Variants in RTN4 observed in about 807,000 individuals in gnomAD.
RTN4 encodes reticulon-4.
RTN4 carries 32 observed loss-of-function variants against 90.4 expected under a neutral mutation model. The observed-to-expected ratio is 0.35, with a 90% CI of 0.27 to 0.48. RTN4 has a LOEUF of 0.48. Ranked by LOEUF, RTN4 falls within the 20% of genes least tolerant of loss-of-function variation. The pLI, the probability that RTN4 is intolerant of heterozygous loss-of-function variation, is 0.99. For synonymous variants in RTN4, 629 were observed against 552.5 expected (o/e 1.14, Z -1.94); for missense variants, 1,706 against 1,430.2 (o/e 1.19, Z -3.11).
intron 5 of RTN4, among the ~76,000 whole-genome samples, chr2:54,980,025 G>C (rs1025485199): frequency 6.6e-6 from 1 of 152,062 alleles, no homozygotes; most frequent in South Asian, 2.1e-4. Flanking sequence ...GAAACAACAA[G>C]TGTTCCAGAA....
At position 54,972,338 on chromosome 2, in the gene RTN4, C is replaced by G. The variant is rs1677103569; in HGVS notation, c.*818G>C. ...CATAACAATGTTTGATATTTGCAAA[C>G]AAACAACATTTTTGGAAGCATTAGA... On this transcript the variant is annotated 3_prime_UTR_variant, in exon 9 of 9. Coordinates refer to ENST00000337526, the MANE Select transcript of RTN4 (RefSeq NM_020532.5). 6.6e-6 allele frequency: 1 copy of G among 152,270 alleles called. No individual in the cohort carries two copies. The highest frequency in any genetic ancestry group is 2.4e-5 in the African/African-American group (1 of 41,380). 9.4% of individuals were successfully genotyped at this position (152,270 alleles called of 1,614,324 possible).
At chr2:55,065,918 A>G (rs1668381671) in intron 2 of RTN4, among the ~76,000 whole-genome samples, 1 of 152,222 alleles carries the variant, frequency 6.6e-6, no homozygotes, top group African/African-American at 2.4e-5. Flanking sequence ...ATACACACTC[A>G]TGTAGAAGGT....
At chr2:55,082,627 T>A (rs1312906992) in intron 1 of RTN4, among the ~76,000 whole-genome samples, 1 of 152,228 alleles carries the variant, frequency 6.6e-6, no homozygotes, top group Non-Finnish European at 1.5e-5. Context: ...AAATATGTAT[T>A]ATGCTAAGTT....
rs749703334 is a variant in RTN4, at chr2:55,025,572, C to A, written c.2527G>T (p.Asp843Tyr). The change falls in exon 3 of 9, where the codon GAT becomes TAT. Residue 843 changes from aspartate (D) to tyrosine (Y), a missense_variant. Physicochemically the swap from Asp to Tyr is radical, Grantham distance 160. Transcript: ENST00000337526. ...EELSTAVYSNDDLFISKEAQI... is the reference protein window; with the variant it reads ...EELSTAVYSNYDLFISKEAQI... ...GCTTCCTTAGAAATAAATAAGTCAT[C>A]ATTTGAATAAACTGCAGTACTGAGC... The A allele has an allele frequency of 6.2e-7, 1 of 1,613,534 alleles. No homozygotes were observed. The highest frequency in any genetic ancestry group is 1.3e-5 in the African/African-American group (1 of 74,860).
intron 1 of RTN4, among the ~76,000 whole-genome samples, chr2:55,102,954 A>G (rs1224445292): frequency 6.6e-6 from 1 of 151,874 alleles, no homozygotes; most frequent in Non-Finnish European, 1.5e-5. Flanking sequence ...CCCCGTCTCT[A>G]CTAAAATTAC....
At position 55,087,254 on chromosome 2, in the gene RTN4, T is replaced by G. The variant is rs547064417; in HGVS notation, c.-213-6615A>C. Among the ~76,000 whole-genome samples, 3 of 152,318 alleles carry G rather than the reference T, an allele frequency of 2.0e-5. No homozygotes were observed. In the East Asian group the frequency reaches 5.8e-4, roughly 29 times the overall value. On this transcript the variant is annotated intron_variant, in intron 1 of 3. Coordinates refer to the RTN4 transcript ENST00000427710. ...ACCTTGAAGTGTAATTGCTGGGTCATTCATCTGCATGCATTCATTTTTACT... is the reference window on the plus strand; with the variant it reads ...ACCTTGAAGTGTAATTGCTGGGTCAGTCATCTGCATGCATTCATTTTTACT...
rs770471842 is a variant in RTN4 at position 55,050,208 on chromosome 2, G to T, written c.93C>A (p.Pro31=). The T allele has an allele frequency of 1.3e-6, 2 of 1,567,626 alleles. No individual in the cohort carries two copies. ...PAFKYQFVRE[P]EDEEEEEEEE... ...CCTCCTCTTCTTCCTCCTCGTCCTC[G>T]GGCTCCCTCACGAACTGGTACTTGA... The change falls in exon 1 of 9, where the codon CCC becomes CCA. Residue 31 remains proline, a synonymous_variant. Coordinates refer to ENST00000337526, the MANE Select transcript of RTN4 (RefSeq NM_020532.5). This position sits in a 1 kb window ranked among gnomAD's most constrained non-coding sequence, Gnocchi z 4.6.
chr2:55,062,525 G>A (rs1373943648), intron 2 of RTN4, among the ~76,000 whole-genome samples: 1 of 152,172 alleles, frequency 6.6e-6, no homozygotes, highest in African/African-American at 2.4e-5. Context: ...CCCTGAGAGG[G>A]GGACAAGGGA....
chr2:54,989,320 C>T (rs1201951444), intron 3 of RTN4, among the ~76,000 whole-genome samples: 3 of 152,274 alleles, frequency 2.0e-5, no homozygotes, highest in African/African-American at 4.8e-5. Flanking sequence ...TATATGATTT[C>T]GAAGTTTGTT....
intron 1 of RTN4, among the ~76,000 whole-genome samples, chr2:55,102,201 G>A (rs1292848234): frequency 6.6e-6 from 1 of 152,136 alleles, no homozygotes; most frequent in African/African-American, 2.4e-5. Context: ...GATTAAGGGG[G>A]AAAGGGAAGG....
At chr2:55,019,619 G>C (rs1024758307) in intron 3 of RTN4, among the ~76,000 whole-genome samples, 3 of 152,164 alleles carry the variant, frequency 2.0e-5, no homozygotes, top group Non-Finnish European at 4.4e-5. Context: ...AATCCACTAG[G>C]AGGAATGTTC....
chr2:55,041,432 T>C (rs1433206315), intron 1 of RTN4, among the ~76,000 whole-genome samples: 1 of 151,970 alleles, frequency 6.6e-6, no homozygotes, highest in Non-Finnish European at 1.5e-5. Flanking sequence ...TATACACACA[T>C]AAGATAGCCA....
In RTN4 at chr2:55,050,071, G is replaced by T; in HGVS notation, c.230C>A (p.Pro77His). The change falls in exon 1 of 9, where the codon CCC (proline) becomes CAC (histidine). Residue 77 changes from proline (P) to histidine (H), a missense_variant. By Grantham distance (77) the Pro-to-His change is moderately conservative. Coordinates refer to ENST00000337526, the MANE Select transcript of RTN4 (RefSeq NM_020532.5). The surrounding 1 kb of genome is among the most constrained non-coding windows in gnomAD (Gnocchi z 4.6). ...PVPTAPAAGA[P>H]LMDFGNDFVP... is the part of the protein sequence containing the mutation. ...GAAGTCATTTCCGAAGTCCATCAGG[G>T]GCGCGCCGGCGGCAGGGGCGGTGGG... The T allele has an allele frequency of 6.9e-7, 1 of 1,448,582 alleles. No homozygotes were observed. The highest frequency in any genetic ancestry group is 1.4e-5 in the South Asian group (1 of 72,132). 89.7% of individuals were successfully genotyped at this position (1,448,582 alleles called of 1,614,324 possible).
chr2:55,104,348 T>C (rs572528056), intron 1 of RTN4, among the ~76,000 whole-genome samples: 3 of 151,508 alleles, frequency 2.0e-5, no homozygotes, highest in Non-Finnish European at 4.4e-5. Context: ...TGAGCCACCA[T>C]GCCTGGCTGT....
chr2:55,087,590 T>C (rs553878749), intron 1 of RTN4, among the ~76,000 whole-genome samples: 1 of 152,306 alleles, frequency 6.6e-6, no homozygotes, highest in East Asian at 1.9e-4. Context: ...CAAGTCTGAA[T>C]CTTGTTGATG....
intron 1 of RTN4, among the ~76,000 whole-genome samples, chr2:55,107,826 T>C (rs760162205): frequency 6.6e-6 from 1 of 152,118 alleles, no homozygotes; most frequent in African/African-American, 2.4e-5. Flanking sequence ...TTGTGAATAG[T>C]TCTGCATGAC....
chr2:55,057,383 ATG>A (rs543455157), intron 2 of RTN4, among the ~76,000 whole-genome samples: 72 of 152,374 alleles, frequency 4.7e-4, no homozygotes, highest in African/African-American at 1.5e-3. Context: ...CAAAGTATAT[ATG>A]GGAACCATAG....
At chr2:55,132,163 G>A in the RTN4 span, among the ~76,000 whole-genome samples, 4 of 152,120 alleles carry the variant, frequency 2.6e-5, no homozygotes, top group South Asian at 8.3e-4. Flanking sequence ...CTGGGTGATG[G>A]GAATATGGGG....
chr2:54,979,463 G>A lies in RTN4; in HGVS notation c.3360+3052C>T, dbSNP rs113833384. The stretch of plus-strand genomic sequence containing the variant: ...CTCTAGAAAGGTAATCCTATCAAGC[G>A]TTTTTATAAAAAAGCAAAGTGATTT... On this transcript the variant is annotated intron_variant, in intron 5 of 8. Transcript: ENST00000337526. Among the ~76,000 whole-genome samples, 494 of 152,158 alleles carry A rather than the reference G, an allele frequency of 3.2e-3. 2 individuals are homozygous for A. Among genetic ancestry groups the A allele is most frequent in the African/African-American group, 0.011 (460 of 41,506 alleles).
Sources: gnomAD v4.1 joint callset for allele counts (sites outside exome capture counted in the v4.1 genomes callset) on GRCh38, gnomAD v4.1.1 for gene constraint, Gnocchi (gnomAD v3.1) non-coding constraint, MANE v1.5 for transcripts, NCBI Gene and HGNC (gene_info 2026-07-23, HGNC 2026-07-21) for gene names.